Variants in ABCD3 observed in about 807,000 individuals in gnomAD.
ABCD3 encodes the protein ATP binding cassette subfamily D member 3.
In ABCD3, 41 loss-of-function variants were observed where a neutral mutation model predicts 105.5. The observed-to-expected ratio is 0.39, with a 90% CI of 0.30 to 0.50. The LOEUF (loss-of-function observed/expected upper bound fraction) is 0.50. ABCD3 is among the 20% of genes least tolerant of loss of function. ABCD3 has a pLI of 0.84. For missense variants in ABCD3, 622 were observed against 806.3 expected, an observed-to-expected ratio of 0.77 and a Z score of 2.77; for synonymous variants, 258 against 269.0, an observed-to-expected ratio of 0.96 and a Z score of 0.40.
chr1:94,498,335 A>G (rs1246265947), intron 16 of ABCD3, among the ~76,000 whole-genome samples: 1 of 152,062 alleles, frequency 6.6e-6, no homozygotes, highest in Non-Finnish European at 1.5e-5. Context: ...GCCTCCCAAA[A>G]TGCTGAGATT....
chr1:94,487,760 A>G lies in ABCD3; in HGVS notation c.1034A>G (p.His345Arg). The G allele has an allele frequency of 6.2e-7, 1 of 1,614,068 alleles. No homozygotes were observed. The highest frequency in any genetic ancestry group is 1.3e-5 in the African/African-American group (1 of 75,044). Reference sequence around the variant, plus strand: ...TTCTTAGATTTGTCTCATCCTCGACATCTCAAGAGTACACATTCGGAACTT... The same window carrying G: ...TTCTTAGATTTGTCTCATCCTCGACGTCTCAAGAGTACACATTCGGAACTT... Reference protein sequence around the residue: ...RPFLDLSHPRHLKSTHSELLE... With the variant: ...RPFLDLSHPRRLKSTHSELLE... Residue 345 changes from histidine (H) to arginine (R), a missense_variant, in exon 12 of 23, where the codon CAT becomes CGT. His to Arg is a conservative substitution (Grantham distance 29). This residue lies in a region of ABCD3 where 245 missense variants were observed against 356.4 expected (regional missense o/e 0.69). Transcript: ENST00000370214.
chr1:94,451,388 A>T (rs1159604251), intron 1 of ABCD3, among the ~76,000 whole-genome samples: 2 of 152,202 alleles, frequency 1.3e-5, no homozygotes, highest in Non-Finnish European at 2.9e-5. Context: ...TAATAAACAT[A>T]CTTTACTTTT....
intron 1 of ABCD3, among the ~76,000 whole-genome samples, chr1:94,452,722 GT>G (rs201578949): frequency 1.9e-3 from 283 of 150,240 alleles, no homozygotes; most frequent in African/African-American, 6.6e-3. Flanking sequence ...GGTTTTTTTT[GT>G]TTTTTTTTGT....
intron 1 of ABCD3, among the ~76,000 whole-genome samples, chr1:94,422,518 C>T (rs1413773407): frequency 6.6e-6 from 1 of 152,182 alleles, no homozygotes; most frequent in East Asian, 1.9e-4. Context: ...CTAGGTATCC[C>T]CTACTCTAGC....
At chr1:94,426,524 C>G (rs1357630335) in intron 1 of ABCD3, among the ~76,000 whole-genome samples, 2 of 151,880 alleles carry the variant, frequency 1.3e-5, no homozygotes, top group African/African-American at 4.8e-5. Flanking sequence ...CCTTCTTTCC[C>G]CCTCCTCACC....
At chr1:94,506,465 AC>A (rs1216476145) in intron 20 of ABCD3, 72 bp from the exon 21 acceptor site, 9 of 860,812 alleles carry the variant, frequency 1.0e-5, no homozygotes, top group African/African-American at 1.7e-5. Context: ...TGCATATTTA[AC>A]ATAAGTTTGT....
intron 1 of ABCD3, among the ~76,000 whole-genome samples, chr1:94,457,659 G>A (rs1413671441): frequency 6.6e-6 from 1 of 152,120 alleles, no homozygotes; most frequent in African/African-American, 2.4e-5. Context: ...TGCATTTGCA[G>A]ACTGAGCAAG....
At chr1:94,449,646 T>A (rs900398466) in intron 1 of ABCD3, among the ~76,000 whole-genome samples, 9 of 152,166 alleles carry the variant, frequency 5.9e-5, no homozygotes, top group Non-Finnish European at 7.4e-5. Context: ...TGAACGTACT[T>A]GTTTAGGAAG....
intron 1 of ABCD3, among the ~76,000 whole-genome samples, chr1:94,439,880 C>A (rs913747054): frequency 3.3e-5 from 5 of 152,068 alleles, no homozygotes; most frequent in Admixed American, 3.3e-4. Flanking sequence ...CATTTAGAGA[C>A]AAACTCTCAC....
intron 10 of ABCD3, 132 bp downstream of exon 10, chr1:94,483,371 G>T (rs904548083): frequency 1.5e-5 from 10 of 676,546 alleles, no homozygotes; most frequent in Non-Finnish European, 2.6e-5. Flanking sequence ...AAGATTTTTT[G>T]AAAAATAGCT....
At chr1:94,468,253 A>G (rs1648259184) in intron 4 of ABCD3, among the ~76,000 whole-genome samples, 2 of 152,228 alleles carry the variant, frequency 1.3e-5, no homozygotes, top group Non-Finnish European at 2.9e-5. Flanking sequence ...CTGAGCTGAC[A>G]GTTTATCAAG....
At chr1:94,462,948 G>A (rs1227964652) in intron 2 of ABCD3, among the ~76,000 whole-genome samples, 1 of 152,144 alleles carries the variant, frequency 6.6e-6, no homozygotes, top group Non-Finnish European at 1.5e-5. Flanking sequence ...TGGGTTTGGG[G>A]AAAATACAAA....
chr1:94,390,257 A>G, the ABCD3 span, among the ~76,000 whole-genome samples: 12 of 152,122 alleles, frequency 7.9e-5, no homozygotes, highest in African/African-American at 2.9e-4. Flanking sequence ...TTGAGAATAT[A>G]ATGGATATCA....
At chr1:94,405,436 G>A in the ABCD3 span, among the ~76,000 whole-genome samples, 3 of 151,288 alleles carry the variant, frequency 2.0e-5, no homozygotes, top group Non-Finnish European at 2.9e-5. Context: ...TCAGCCTCCC[G>A]AGTAGCTGGG....
chr1:94,420,801 T>TA (rs1238139681), intron 1 of ABCD3, among the ~76,000 whole-genome samples: 2 of 152,196 alleles, frequency 1.3e-5, no homozygotes, highest in African/African-American at 4.8e-5. Flanking sequence ...ATATCTTTGG[T>TA]AACAGAACTG....
intron 21 of ABCD3, among the ~76,000 whole-genome samples, chr1:94,512,468 A>G (rs144632915): frequency 6.6e-6 from 1 of 152,032 alleles, no homozygotes; most frequent in African/African-American, 2.4e-5. Flanking sequence ...AAGATACCTC[A>G]TTTATATAAA....
chr1:94,443,280 T>C (rs973234830), intron 1 of ABCD3, among the ~76,000 whole-genome samples: 5 of 152,346 alleles, frequency 3.3e-5, no homozygotes, highest in African/African-American at 1.2e-4. Flanking sequence ...AAAATGTCTG[T>C]TCATGTTGTT....
chr1:94,444,435 G>A (rs559985030), intron 1 of ABCD3, among the ~76,000 whole-genome samples: 1 of 151,808 alleles, frequency 6.6e-6, no homozygotes, highest in East Asian at 1.9e-4. Context: ...AAAGTGCTGT[G>A]ATTACAGGTG....
intron 20 of ABCD3, among the ~76,000 whole-genome samples, chr1:94,501,265 G>GAAAAAAAA (rs4148065): frequency 3.2e-5 from 2 of 61,936 alleles, no homozygotes. Flanking sequence ...TGTCTCAAAA[G>GAAAAAAAA]AAAAAAAAAA....
Sources: allele counts gnomAD v4.1 joint callset (sites outside exome capture counted in the v4.1 genomes callset), GRCh38; gene constraint gnomAD v4.1.1; regional missense constraint gnomAD v4.1.1; transcripts MANE v1.5; gene names NCBI Gene and HGNC (gene_info 2026-07-23, HGNC 2026-07-21).